The following ALDH1L2 variants were observed in gnomAD, a reference collection of about 807,000 sequenced individuals.
ALDH1L2 encodes mitochondrial 10-formyltetrahydrofolate dehydrogenase.
In ALDH1L2, 91 loss-of-function variants were observed where a neutral mutation model predicts 111.0. The ratio of observed to expected loss-of-function variants is 0.82; its 90% CI spans 0.69 to 0.98. The LOEUF is 0.98. ALDH1L2 is among the 50% of genes least tolerant of loss of function. ALDH1L2 has a pLI of 0.00. For missense variants in ALDH1L2, 995 were observed against 1,126.8 expected (o/e 0.88, Z 1.67); for synonymous variants, 374 against 392.6 (o/e 0.95, Z 0.56).
rs774213417 is a variant in ALDH1L2 at position 105,074,014 on chromosome 12, C to G, written c.49-9G>C. The G allele has an allele frequency of 1.2e-6, 2 of 1,613,956 alleles. No individual in the cohort carries two copies. The highest frequency in any genetic ancestry group is 3.3e-5 in the Admixed American group (2 of 59,994). ...TTGTTTTTGAAATAAACCTGTGAAA[C>G]AATTCAATGACGAAGACATAAGCAT... On this transcript the variant is annotated splice_polypyrimidine_tract_variant and intron_variant, in intron 1 of 22. Transcript: ENST00000258494.
intron 4 of ALDH1L2, among the ~76,000 whole-genome samples, chr12:105,067,076 C>T (rs1197246394): frequency 2.0e-5 from 3 of 151,852 alleles, no homozygotes; most frequent in African/African-American, 7.2e-5. Flanking sequence ...ATCAGCCGGG[C>T]GTGGTGGTGG....
intron 21 of ALDH1L2, among the ~76,000 whole-genome samples, chr12:105,028,130 A>G (rs1874510599): frequency 6.6e-6 from 1 of 152,072 alleles, no homozygotes; most frequent in Non-Finnish European, 1.5e-5. Flanking sequence ...TTTCTTTTTG[A>G]GATGGAGTCT....
intron 8 of ALDH1L2, 80 bp from the exon 9 acceptor site, chr12:105,061,152 C>G: frequency 8.3e-7 from 1 of 1,200,632 alleles, no homozygotes; most frequent in South Asian, 1.2e-5. Flanking sequence ...TTCACCAAAC[C>G]AATTCCCTCT....
At chr12:105,024,647 CTG>C (rs1874327550) in intron 22 of ALDH1L2, among the ~76,000 whole-genome samples, 168 bp from the exon 23 acceptor site, 2 of 152,362 alleles carry the variant, frequency 1.3e-5, no homozygotes, top group East Asian at 3.9e-4. Context: ...TCTGAAGACT[CTG>C]TTAAGTTGCA....
chr12:105,038,135 T>C lies in ALDH1L2; in HGVS notation c.2113A>G (p.Asn705Asp). Residue 705 changes from asparagine to aspartate, a missense_variant, in exon 18 of 23, where the codon AAT becomes GAT. By Grantham distance (23) the Asn-to-Asp change is conservative. Transcript: ENST00000258494. The part of the protein sequence containing the change: ...LGGKSPLIIF[N>D]DCELDKAVRM... ...ACAGCCTTGTCAAGTTCACAGTCAT[T>C]AAATATTATAAGTGGAGACTTGCCA... 3 of 1,613,684 alleles carry C rather than the reference T, an allele frequency of 1.9e-6. No homozygotes were observed. The highest frequency in any genetic ancestry group is 2.5e-6 in the Non-Finnish European group (3 of 1,179,776).
intron 1 of ALDH1L2, among the ~76,000 whole-genome samples, chr12:105,074,381 C>A (rs1386810035): frequency 1.4e-5 from 2 of 143,596 alleles, no homozygotes; most frequent in Admixed American, 1.4e-4. Context: ...TCTCTTGAAC[C>A]CGGGAGGCAG....
At chr12:105,063,758 G>T (rs1303575938) in intron 6 of ALDH1L2, among the ~76,000 whole-genome samples, 1 of 152,102 alleles carries the variant, frequency 6.6e-6, no homozygotes, top group Non-Finnish European at 1.5e-5. Context: ...GTGATGAGAA[G>T]CACAGGGTGC....
chr12:105,027,029 T>C (rs1450805370), intron 21 of ALDH1L2, among the ~76,000 whole-genome samples: 2 of 152,118 alleles, frequency 1.3e-5, no homozygotes, highest in African/African-American at 4.8e-5. Flanking sequence ...GCCACCATGC[T>C]CAGCTAATTT....
At chr12:105,050,147 G>A in intron 12 of ALDH1L2, 89 bp from the exon 13 acceptor site, 1 of 1,297,930 alleles carries the variant, frequency 7.7e-7, no homozygotes, top group Non-Finnish European at 1.0e-6. Context: ...GGAGAATTCA[G>A]AGGTAAACAC....
intron 15 of ALDH1L2, among the ~76,000 whole-genome samples, chr12:105,046,026 A>G (rs1875825873): frequency 6.6e-6 from 1 of 151,694 alleles, no homozygotes; most frequent in South Asian, 2.1e-4. Flanking sequence ...CTATTGTAGC[A>G]TTAAGAGATT....
At chr12:105,053,061 AG>A in intron 10 of ALDH1L2, 130 bp from the exon 11 acceptor site, 1 of 1,101,982 alleles carries the variant, frequency 9.1e-7, no homozygotes, top group Non-Finnish European at 1.3e-6. Context: ...ACTGTACAGA[AG>A]ACATGCATAT....
chr12:105,028,512 T>C (rs1318909418), intron 21 of ALDH1L2, among the ~76,000 whole-genome samples: 3 of 152,214 alleles, frequency 2.0e-5, no homozygotes, highest in African/African-American at 7.2e-5. Flanking sequence ...AGTACAGGTT[T>C]CAGTGTAGTG....
At position 105,020,249 on chromosome 12, in the gene ALDH1L2, C is replaced by A. The variant is rs1269034551; in HGVS notation, c.*4175G>T. The A allele has an allele frequency of 6.6e-6, 1 of 152,166 alleles. No homozygotes were observed. The highest frequency in any genetic ancestry group is 1.5e-5 in the Non-Finnish European group (1 of 68,032). 9.4% of individuals were successfully genotyped at this position (152,166 alleles called of 1,614,324 possible). A position where few individuals can be genotyped will look rare whatever the true frequency, so the allele number is the denominator to read the frequency against. On this transcript the variant is annotated 3_prime_UTR_variant, in exon 23 of 23. Coordinates refer to ENST00000258494, the MANE Select transcript of ALDH1L2 (RefSeq NM_001034173.4). ...TTTGTTTCCTTACCCTAGCTCTAGC[C>A]ATTTCCACAAAAGCTTTTATAGATA...
At chr12:105,041,201 G>A (rs1875512225) in intron 15 of ALDH1L2, among the ~76,000 whole-genome samples, 1 of 152,200 alleles carries the variant, frequency 6.6e-6, no homozygotes, top group Non-Finnish European at 1.5e-5. Flanking sequence ...TCCAACATCT[G>A]CATTACATTT....
intron 16 of ALDH1L2, among the ~76,000 whole-genome samples, chr12:105,040,133 A>AG: frequency 6.6e-6 from 1 of 151,256 alleles, no homozygotes; most frequent in African/African-American, 2.4e-5. Flanking sequence ...CTCAAAAAAA[A>AG]AAAAAAAAAA....
chr12:105,062,400 C>A (rs988066834), intron 7 of ALDH1L2, among the ~76,000 whole-genome samples: 3 of 152,336 alleles, frequency 2.0e-5, no homozygotes, highest in African/African-American at 7.2e-5. Flanking sequence ...TACAAATTCC[C>A]TTTGCACGCT....
chr12:105,071,626 A>ATTTTTT (rs1269392670), intron 2 of ALDH1L2, among the ~76,000 whole-genome samples: 1 of 14,960 alleles, frequency 6.7e-5, no homozygotes, highest in African/African-American at 3.7e-4. Context: ...ATATATATAT[A>ATTTTTT]TATATATATA....
chr12:105,072,686 A>G (rs540731187), intron 2 of ALDH1L2, among the ~76,000 whole-genome samples: 21 of 152,072 alleles, frequency 1.4e-4, no homozygotes, highest in Non-Finnish European at 2.9e-4. Flanking sequence ...AAAAAAATGT[A>G]CTCCAGGCAG....
intron 13 of ALDH1L2, among the ~76,000 whole-genome samples, chr12:105,049,061 T>G (rs1383946378): frequency 6.6e-6 from 1 of 152,096 alleles, no homozygotes; most frequent in African/African-American, 2.4e-5. Context: ...TTTTTTAATT[T>G]ATTTCTCCTA....
Sources: allele counts gnomAD v4.1 joint callset (sites outside exome capture counted in the v4.1 genomes callset), GRCh38; gene constraint gnomAD v4.1.1; transcripts MANE v1.5; gene names NCBI Gene and HGNC (gene_info 2026-07-23, HGNC 2026-07-21).